CCDC125: variants seen among roughly 807,000 people sequenced by gnomAD.
CCDC125 encodes coiled-coil domain containing 125, also known as coiled-coil domain-containing protein 125.
In CCDC125, 43 loss-of-function variants were observed where a neutral mutation model predicts 57.4. The observed-to-expected ratio is 0.75, with a 90% CI of 0.59 to 0.97. The LOEUF is 0.97. Ranked by LOEUF, CCDC125 falls within the 50% of genes least tolerant of loss-of-function variation. CCDC125 has a pLI of 0.00. For missense variants in CCDC125, 563 were observed against 595.7 expected, an observed-to-expected ratio of 0.95 and a Z score of 0.57; for synonymous variants, 187 against 195.2, an observed-to-expected ratio of 0.96 and a Z score of 0.35.
At chr5:69,288,617 T>C (rs1753887645) in intron 10 of CCDC125, among the ~76,000 whole-genome samples, 1 of 152,146 alleles carries the variant, frequency 6.6e-6, no homozygotes, top group African/African-American at 2.4e-5. Context: ...TAAACGGAAG[T>C]GTTTCCCGGA....
At chr5:69,330,344 C>G (rs1220766981) in intron 1 of CCDC125, among the ~76,000 whole-genome samples, 1 of 152,170 alleles carries the variant, frequency 6.6e-6, no homozygotes, top group African/African-American at 2.4e-5. Context: ...TGCCTGTAAT[C>G]CCAGCACTTT....
intron 2 of CCDC125, among the ~76,000 whole-genome samples, chr5:69,315,325 G>C (rs182038941): frequency 6.6e-6 from 1 of 151,722 alleles, no homozygotes; most frequent in Non-Finnish European, 1.5e-5. Context: ...CACTTTGGGA[G>C]GCTGAGGCAG....
chr5:69,326,034 A>C (rs1050487560), intron 1 of CCDC125, among the ~76,000 whole-genome samples: 5 of 151,912 alleles, frequency 3.3e-5, no homozygotes, highest in Admixed American at 1.3e-4. Context: ...TTGTAGAAAC[A>C]GGGTCTCGGG....
chr5:69,297,421 G>A (rs1398869428), intron 8 of CCDC125, among the ~76,000 whole-genome samples: 3 of 151,694 alleles, frequency 2.0e-5, no homozygotes, highest in Admixed American at 6.6e-5. Context: ...GTGCAATGGC[G>A]AGATCACAGC....
downstream of CCDC125, among the ~76,000 whole-genome samples, chr5:69,278,045 ATTT>A (rs1048832804): frequency 1.3e-5 from 2 of 151,610 alleles, no homozygotes; most frequent in African/African-American, 4.8e-5. Flanking sequence ...CACCTGCCTA[ATTT>A]TTTTTATATT....
intron 1 of CCDC125, among the ~76,000 whole-genome samples, chr5:69,327,374 A>G (rs1760877663): frequency 6.6e-6 from 1 of 152,114 alleles, no homozygotes; most frequent in Admixed American, 6.5e-5. Context: ...GATTACAGGC[A>G]TGAGCCACCC....
intron 1 of CCDC125, among the ~76,000 whole-genome samples, chr5:69,328,660 A>T (rs1385205068): frequency 1.3e-5 from 2 of 152,166 alleles, no homozygotes; most frequent in Non-Finnish European, 2.9e-5. Flanking sequence ...GGATTAGAGT[A>T]TTTTTCCATA....
chr5:69,306,685 G>A (rs1167378690), intron 6 of CCDC125, 132 bp downstream of exon 6: 9 of 1,030,300 alleles, frequency 8.7e-6, no homozygotes, highest in East Asian at 3.3e-5. Context: ...AAAAATATGC[G>A]ACTAGTAAGT....
At chr5:69,328,176 G>A (rs570202830) in intron 1 of CCDC125, among the ~76,000 whole-genome samples, 12 of 152,280 alleles carry the variant, frequency 7.9e-5, no homozygotes, top group Non-Finnish European at 8.8e-5. Context: ...GATTATAGGC[G>A]TGAGCCACCA....
At position 69,312,875 on chromosome 5, in the gene CCDC125, G is replaced by A. The variant is rs558046581; in HGVS notation, c.366+1110C>T. Among the ~76,000 whole-genome samples, 9 of 151,714 alleles carry A rather than the reference G, an allele frequency of 5.9e-5. No homozygotes were observed. In the East Asian group the frequency reaches 7.7e-4, roughly 13 times the overall value. On this transcript the variant is annotated intron_variant, in intron 3 of 11. Coordinates refer to ENST00000396496, the MANE Select transcript of CCDC125 (RefSeq NM_176816.5). ...ACTTGAGAATTTTTTTTTTGTAATC[G>A]AAAGTCTCTTACTGGTCCTGCTTCC...
chr5:69,276,829 G>A, downstream of CCDC125: 1 of 795,078 alleles, frequency 1.3e-6, no homozygotes, highest in Non-Finnish European at 2.0e-6. Context: ...GTATAAAGTA[G>A]AGAGACTGTG....
intron 11 of CCDC125, 96 bp from the exon 12 acceptor site, chr5:69,283,130 A>G (rs1752687893): frequency 2.1e-6 from 2 of 969,604 alleles, no homozygotes; most frequent in Non-Finnish European, 3.0e-6. Flanking sequence ...AAGTTATTCA[A>G]CCCTAATATT....
At chr5:69,324,687 C>A (rs1229650626) in intron 1 of CCDC125, among the ~76,000 whole-genome samples, 1 of 152,110 alleles carries the variant, frequency 6.6e-6, no homozygotes, top group African/African-American at 2.4e-5. Context: ...CCGATATATG[C>A]AATGAATTTC....
chr5:69,289,571 G>T (rs1232130977), intron 10 of CCDC125, among the ~76,000 whole-genome samples: 2 of 152,088 alleles, frequency 1.3e-5, no homozygotes, highest in African/African-American at 4.8e-5. Flanking sequence ...TTTATTATAA[G>T]ACATTGTTGG....
intron 2 of CCDC125, among the ~76,000 whole-genome samples, chr5:69,317,810 A>T (rs931768994): frequency 1.3e-5 from 2 of 152,010 alleles, no homozygotes; most frequent in Non-Finnish European, 2.9e-5. Flanking sequence ...ATGACCTCCT[A>T]AAATAACCAG....
Position 69,320,344 on chromosome 5 carries a change from C to A in CCDC125, c.197G>T (p.Gly66Val), listed in dbSNP as rs1018502084. The A allele has an allele frequency of 3.7e-6, 6 of 1,613,986 alleles. No homozygotes were observed. Among genetic ancestry groups the A allele is most frequent in the South Asian group, 1.1e-5 (1 of 91,070 alleles). ...AAAACTCGCTTCATTTCTTTCTTCT[C>A]CCTTTCTCGGAAATGGAGGAGGGCT... is the stretch of plus-strand genomic sequence containing the variant. ...NFSPPPFPRKGEERNEASFQY... is the reference protein window; with the variant it reads ...NFSPPPFPRKVEERNEASFQY... Residue 66 changes from glycine (G) to valine (V), a missense_variant, in exon 2 of 12, where the codon GGA (glycine) becomes GTA (valine). Physicochemically the swap from Gly to Val is moderately radical, Grantham distance 109. Transcript: ENST00000396496.
At chr5:69,279,934 C>G (rs1022623283), downstream of CCDC125, among the ~76,000 whole-genome samples, 1 of 152,126 alleles carries the variant, frequency 6.6e-6, no homozygotes, top group Non-Finnish European at 1.5e-5. Flanking sequence ...ACAATCCTGG[C>G]AGAAGGGGAA....
chr5:69,316,033 A>G (rs1281249414), intron 2 of CCDC125, among the ~76,000 whole-genome samples: 2 of 152,056 alleles, frequency 1.3e-5, no homozygotes, highest in African/African-American at 4.8e-5. Flanking sequence ...TTGAAAAAAT[A>G]TTTCTCAAAA....
intron 2 of CCDC125, among the ~76,000 whole-genome samples, chr5:69,317,358 T>C (rs775164334): frequency 1.7e-4 from 26 of 152,144 alleles, no homozygotes; most frequent in Non-Finnish European, 1.0e-4. Flanking sequence ...GTTTCCAACA[T>C]TTTGCTTTCA....
Sources: gnomAD v4.1 joint callset for allele counts (sites outside exome capture counted in the v4.1 genomes callset) on GRCh38, gnomAD v4.1.1 for gene constraint, MANE v1.5 for transcripts, NCBI Gene and HGNC (gene_info 2026-07-23, HGNC 2026-07-21) for gene names.